Variants in HELLS observed in about 807,000 individuals in gnomAD.
HELLS encodes the protein lymphoid-specific helicase.
Under a neutral mutation model 120.0 loss-of-function variants are expected in HELLS, and 32 were observed. The observed-to-expected ratio is 0.27, with a 90% CI of 0.20 to 0.36. HELLS has a LOEUF of 0.36. Among genes scored for constraint, HELLS ranks in the 10% least tolerant of loss-of-function variants. The pLI, the probability that HELLS is intolerant of heterozygous loss-of-function variation, is 1.00. For missense variants in HELLS, 650 were observed against 993.4 expected, an observed-to-expected ratio of 0.65 and a Z score of 4.65; for synonymous variants, 341 against 323.4, an observed-to-expected ratio of 1.05 and a Z score of -0.58.
rs1014794624 is a variant in HELLS, at chr10:94,584,047, A to G, written c.1326+988A>G. The G allele has an allele frequency of 3.4e-6, 4 of 1,176,970 alleles. No individual in the cohort carries two copies. In the African/African-American group the frequency reaches 4.6e-5, roughly 14 times the overall value. The allele number at this position is 1,176,970 out of a possible 1,614,324, so 72.9% of individuals were successfully genotyped here. A position where few individuals can be genotyped will look rare whatever the true frequency, so the allele number is the denominator to read the frequency against. The stretch of plus-strand genomic sequence containing the variant: ...CAGATGAGGGCTTCTTTGAAGGCAA[A>G]TTGCCCTCCAGAAAAGATTTATATG... On this transcript the variant is annotated intron_variant, in intron 12 of 21. Coordinates refer to ENST00000348459, the MANE Select transcript of HELLS (RefSeq NM_018063.5).
chr10:94,610,329 G>A (rs1332050745), exon 10 of HELLS: 1 of 152,024 alleles, frequency 6.6e-6, no homozygotes, highest in Non-Finnish European at 1.5e-5. Context: ...GCGCAGTGGT[G>A]CCTGTAATCC....
intron 9 of HELLS, 49 bp from the exon 10 acceptor site, chr10:94,576,613 T>C (rs1438932570): frequency 5.7e-6 from 6 of 1,061,716 alleles, no homozygotes; most frequent in Non-Finnish European, 6.7e-6. Flanking sequence ...ATAGTCAATA[T>C]TTACATTTTG....
intron 13 of HELLS, among the ~76,000 whole-genome samples, chr10:94,589,962 C>T (rs1845393581): frequency 6.6e-6 from 1 of 152,196 alleles, no homozygotes; most frequent in South Asian, 2.1e-4. Flanking sequence ...GCTGGGTTTA[C>T]AGGCGTGAGC....
chr10:94,581,053 G>A (rs1589743687), intron 10 of HELLS, among the ~76,000 whole-genome samples: 1 of 152,184 alleles, frequency 6.6e-6, no homozygotes, highest in East Asian at 1.9e-4. Flanking sequence ...GTTGACTAAG[G>A]TGTGAATAGG....
At chr10:94,592,106 A>G in intron 15 of HELLS, 123 bp from the exon 16 acceptor site, 1 of 614,682 alleles carries the variant, frequency 1.6e-6, no homozygotes, top group Non-Finnish European at 2.8e-6. Context: ...ATTGAATAAC[A>G]GGTCAGTTTT....
chr10:94,546,433 A>G lies in HELLS; in HGVS notation c.88A>G (p.Met30Val). 1 of 1,614,192 alleles carries G rather than the reference A, an allele frequency of 6.2e-7. No individual in the cohort carries two copies. Among genetic ancestry groups the G allele is most frequent in the Non-Finnish European group, 8.5e-7 (1 of 1,180,026 alleles). ...QLDTAVITPAMLEEEEQLEAA... is the reference protein window; with the variant it reads ...QLDTAVITPAVLEEEEQLEAA... Reference sequence around the variant, plus strand: ...GGACACTGCTGTGATTACCCCGGCCATGCTAGAAGAGGAAGAACAGCTTGA... The same window carrying G: ...GGACACTGCTGTGATTACCCCGGCCGTGCTAGAAGAGGAAGAACAGCTTGA... Residue 30 changes from methionine to valine, a missense_variant, in exon 2 of 22, where the codon ATG becomes GTG. Around this residue, in one of 9 missense-constraint regions of HELLS, gnomAD observed 90 missense variants for 93.6 expected, o/e 0.96. Transcript: ENST00000348459.
chr10:94,603,011 G>C (rs996355785), downstream of HELLS, among the ~76,000 whole-genome samples: 2 of 152,096 alleles, frequency 1.3e-5, no homozygotes, highest in Non-Finnish European at 2.9e-5. Context: ...CTATTGCCCT[G>C]AGAAAATAGA....
chr10:94,594,267 G>GT (rs1354510848), intron 18 of HELLS, among the ~76,000 whole-genome samples: 1 of 152,014 alleles, frequency 6.6e-6, no homozygotes, highest in Non-Finnish European at 1.5e-5. Context: ...TCACGGCTCA[G>GT]TAGCCTTGAC....
At chr10:94,603,690 C>T (rs1846091863), downstream of HELLS, among the ~76,000 whole-genome samples, 1 of 152,214 alleles carries the variant, frequency 6.6e-6, no homozygotes, top group African/African-American at 2.4e-5. Context: ...ACTTCTTTTG[C>T]ATTTTCCTTA....
chr10:94,605,044 G>T (rs76072645), downstream of HELLS, among the ~76,000 whole-genome samples: 1 of 138,806 alleles, frequency 7.2e-6, no homozygotes, highest in South Asian at 2.2e-4. Flanking sequence ...TTCATGTTTT[G>T]GAATTACTGT....
rs1846044052 is a variant in HELLS at position 94,601,769 on chromosome 10, A to G, written c.*147A>G. ...TACCATGCGTACTTAAATAGATGGT[A>G]ATTTTCTGAGCCTTACCAAGAACAA... On this transcript the variant is annotated 3_prime_UTR_variant, in exon 22 of 22. Transcript: ENST00000348459. 12 of 488,358 alleles carry G rather than the reference A, an allele frequency of 2.5e-5. No homozygotes were observed. The Admixed American group carries it at 4.4e-4, about 18-fold the overall frequency. 30.3% of individuals were successfully genotyped at this position (488,358 alleles called of 1,614,324 possible).
rs191227493 is a variant in HELLS at position 94,545,866 on chromosome 10, C to G, written c.-56C>G. 1 of 1,540,418 alleles carries G rather than the reference C, an allele frequency of 6.5e-7. No homozygotes were observed. On this transcript the variant is annotated 5_prime_UTR_variant, in exon 1 of 22. Coordinates refer to ENST00000348459, the MANE Select transcript of HELLS (RefSeq NM_018063.5). Reference sequence around the variant, plus strand: ...CGGCAGCGGTTGTGAGGAGTTAGCTCGCGGCATTGCAGGCTCTGAGAGGAG... The same window carrying G: ...CGGCAGCGGTTGTGAGGAGTTAGCTGGCGGCATTGCAGGCTCTGAGAGGAG...
Position 94,575,455 on chromosome 10 carries a change from G to A in HELLS, c.888+719G>A, listed in dbSNP as rs151333936. On this transcript the variant is annotated intron_variant, in intron 9 of 21. Transcript: ENST00000348459. ...GAGAAATATATATATTCTAGACGTA[G>A]TATCACCATCTGTCTCATTTTATAT... is the stretch of plus-strand genomic sequence containing the variant. Among the ~76,000 whole-genome samples, 537 of 150,884 alleles carry A rather than the reference G, an allele frequency of 3.6e-3. 2 individuals carry two copies. Among genetic ancestry groups the A allele is most frequent in the African/African-American group, 0.012 (512 of 41,232 alleles).
Position 94,562,894 on chromosome 10 carries a change from AG to A in HELLS, c.435+21del. ...CAAAAGAGGTAAAAATAAAAGGGAGAGGGCACCTAACATTTGATGTTGAGTA... is the reference window on the plus strand; with the variant it reads ...CAAAAGAGGTAAAAATAAAAGGGAGAGGCACCTAACATTTGATGTTGAGTA... On this transcript the variant is annotated intron_variant, in intron 6 of 21. Transcript: ENST00000348459. The A allele has an allele frequency of 6.9e-7, 1 of 1,457,398 alleles. No homozygotes were observed. The allele number at this position is 1,457,398 out of a possible 1,614,324, so 90.3% of individuals were successfully genotyped here. A position where few individuals can be genotyped will look rare whatever the true frequency, so the allele number is the denominator to read the frequency against.
At position 94,560,656 on chromosome 10, in the gene HELLS, C is replaced by T. The variant is rs576095687; in HGVS notation, c.334-2035C>T. On this transcript the variant is annotated intron_variant, in intron 4 of 21. Coordinates refer to ENST00000348459, the MANE Select transcript of HELLS (RefSeq NM_018063.5). ...AGGTTGCAGTGGGCCAAGATTGCAT[C>T]ACCGCACTCTAGTCTGGGCCACAGA... is the stretch of plus-strand genomic sequence containing the variant. Among the ~76,000 whole-genome samples, 64 of 152,014 alleles carry T rather than the reference C, an allele frequency of 4.2e-4. 2 individuals are homozygous for T. The highest frequency in any genetic ancestry group is 1.4e-3 in the Admixed American group (21 of 15,274).
At chr10:94,547,576 G>A (rs1179146017) in intron 2 of HELLS, among the ~76,000 whole-genome samples, 1 of 152,164 alleles carries the variant, frequency 6.6e-6, no homozygotes, top group Admixed American at 6.5e-5. Flanking sequence ...TGCTTTATAT[G>A]TATTTACTCA....
chr10:94,590,926 T>G (rs773518476), intron 15 of HELLS, 150 bp downstream of exon 15: 2 of 467,602 alleles, frequency 4.3e-6, no homozygotes, highest in Non-Finnish European at 7.1e-6. Context: ...TGAGACAGTC[T>G]TCTTTCCGAA....
At chr10:94,591,369 A>C (rs1482165076) in intron 15 of HELLS, among the ~76,000 whole-genome samples, 1 of 152,222 alleles carries the variant, frequency 6.6e-6, no homozygotes, top group Non-Finnish European at 1.5e-5. Context: ...AGGTTTTCAA[A>C]TTAAGTAAAT....
rs919878861 is a variant in HELLS, at chr10:94,560,424, G to T, written c.333+2229G>T. ...AAAACTGGTAATACTGCTAGGTGTGGTGGCTCACGCCTATAATCCCAACAC... is the reference window on the plus strand; with the variant it reads ...AAAACTGGTAATACTGCTAGGTGTGTTGGCTCACGCCTATAATCCCAACAC... On this transcript the variant is annotated intron_variant, in intron 4 of 21. Coordinates refer to ENST00000348459, the MANE Select transcript of HELLS (RefSeq NM_018063.5). Among the ~76,000 whole-genome samples, 5 of 152,178 alleles carry T rather than the reference G, an allele frequency of 3.3e-5. No homozygotes were observed. The South Asian group carries it at 8.3e-4, about 25-fold the overall frequency.
Sources: gnomAD v4.1 joint callset for allele counts (sites outside exome capture counted in the v4.1 genomes callset) on GRCh38, gnomAD v4.1.1 for gene constraint, gnomAD v4.1.1 regional missense constraint, MANE v1.5 for transcripts, NCBI Gene and HGNC (gene_info 2026-07-23, HGNC 2026-07-21) for gene names.